AUTS2: variants seen among roughly 807,000 people sequenced by gnomAD.
The protein encoded by AUTS2 is autism susceptibility gene 2 protein.
Under a neutral mutation model 112.4 loss-of-function variants are expected in AUTS2, and 17 were observed. That is an observed-to-expected ratio of 0.15 (90% CI 0.10 to 0.23). AUTS2 has a LOEUF of 0.23. Ranked by LOEUF, AUTS2 falls within the 10% of genes least tolerant of loss-of-function variation. The probability of loss-of-function intolerance (pLI) is 1.00; values close to 1 mark genes in which losing one functional copy is unlikely to be tolerated. For missense variants in AUTS2, 1,510 were observed against 1,701.6 expected (o/e 0.89, Z 1.98); for synonymous variants, 751 against 702.7 (o/e 1.07, Z -1.09).
intron 2 of AUTS2, among the ~76,000 whole-genome samples, chr7:69,988,554 C>T (rs1798607394): frequency 6.7e-6 from 1 of 148,362 alleles, no homozygotes; most frequent in Admixed American, 6.7e-5. Flanking sequence ...TCCTCAAGGG[C>T]AGGATTTTTG....
At chr7:70,478,642 G>A (rs1797672249) in intron 5 of AUTS2, among the ~76,000 whole-genome samples, 1 of 151,900 alleles carries the variant, frequency 6.6e-6, no homozygotes, top group Non-Finnish European at 1.5e-5. Flanking sequence ...TTTCGTTCAA[G>A]ACCATAACTT....
intron 1 of AUTS2, among the ~76,000 whole-genome samples, chr7:69,740,964 G>A (rs1004487119): frequency 2.6e-5 from 4 of 152,092 alleles, no homozygotes; most frequent in Non-Finnish European, 4.4e-5. Context: ...GATAGTTCTA[G>A]CAATAAAAAA....
At chr7:70,534,130 G>T (rs1205232211) in intron 5 of AUTS2, among the ~76,000 whole-genome samples, 1 of 152,162 alleles carries the variant, frequency 6.6e-6, no homozygotes, top group East Asian at 1.9e-4. Flanking sequence ...CTCCACATCG[G>T]CAGGCTTCCA....
chr7:70,633,620 A>AAAG (rs1805387643), intron 5 of AUTS2, among the ~76,000 whole-genome samples: 1 of 151,732 alleles, frequency 6.6e-6, no homozygotes, highest in African/African-American at 2.4e-5. Flanking sequence ...CAAAAAAAAA[A>AAAG]AAAAAAAAAG....
chr7:70,343,471 G>A (rs542530862), intron 4 of AUTS2, among the ~76,000 whole-genome samples: 1 of 152,154 alleles, frequency 6.6e-6, no homozygotes, highest in Admixed American at 6.5e-5. Flanking sequence ...CACTGAGAAC[G>A]CATGGATGGA....
chr7:70,645,446 A>G (rs1280939882), intron 5 of AUTS2, among the ~76,000 whole-genome samples: 1 of 151,920 alleles, frequency 6.6e-6, no homozygotes, highest in Non-Finnish European at 1.5e-5. Flanking sequence ...ACACCACCAG[A>G]TGGTCTGGTG....
rs3817575 is a variant in AUTS2, at chr7:70,784,882, G to A, written c.2147-60G>A. The A allele has an allele frequency of 0.14, 207,940 of 1,499,524 alleles. 17,309 individuals are homozygous for A. The highest frequency in any genetic ancestry group is 0.39 in the East Asian group (17,272 of 44,198). The allele number at this position is 1,499,524 out of a possible 1,614,324, so 92.9% of individuals were successfully genotyped here. A position where few individuals can be genotyped will look rare whatever the true frequency, so the allele number is the denominator to read the frequency against. On this transcript the variant is annotated intron_variant, in intron 15 of 18. Transcript: ENST00000342771. The stretch of plus-strand genomic sequence containing the variant: ...CGGGGCCCTTAAGCAAGTAGAAGCC[G>A]GTTGCATCTTCGAAGTTGGCTTTTT...
At chr7:70,076,332 G>A (rs1584682913) in intron 2 of AUTS2, among the ~76,000 whole-genome samples, 2 of 152,080 alleles carry the variant, frequency 1.3e-5, no homozygotes, top group Non-Finnish European at 2.9e-5. Context: ...GTCATTTCTT[G>A]GACACTGCTA....
intron 4 of AUTS2, among the ~76,000 whole-genome samples, chr7:70,195,947 G>A (rs1810150296): frequency 6.6e-6 from 1 of 152,086 alleles, no homozygotes; most frequent in Non-Finnish European, 1.5e-5. Context: ...ACCTATTATT[G>A]TCATTATCTG....
intron 1 of AUTS2, among the ~76,000 whole-genome samples, chr7:69,624,310 T>A (rs1277509526): frequency 6.6e-6 from 1 of 152,212 alleles, no homozygotes; most frequent in Non-Finnish European, 1.5e-5. Flanking sequence ...GGTATCTTTA[T>A]CTGGTACATG....
chr7:69,621,230 C>T (rs142730771), intron 1 of AUTS2, among the ~76,000 whole-genome samples: 3 of 152,240 alleles, frequency 2.0e-5, no homozygotes, highest in East Asian at 1.9e-4. Flanking sequence ...CACCCAAGGA[C>T]GAGTGTGTCA....
intron 3 of AUTS2, chr7:70,118,608 A>C (rs540764800): frequency 6.4e-6 from 1 of 155,850 alleles, no homozygotes; most frequent in Non-Finnish European, 1.4e-5. Context: ...GAGAAACCCT[A>C]TCTCTACTAA....
At chr7:70,134,471 T>C (rs1806441488) in intron 3 of AUTS2, 65 bp from the exon 4 acceptor site, 1 of 1,397,190 alleles carries the variant, frequency 7.2e-7, no homozygotes, top group South Asian at 1.2e-5. Flanking sequence ...TAATGAGCTG[T>C]GTGGATTGGA....
Position 70,732,970 on chromosome 7 carries a change from C to T in AUTS2, c.743-29900C>T, listed in dbSNP as rs747202443. ...GGAGGTGGCCCCTCACCAAAGCTCACACCTGTCTTCTCTGATTTTGCATCT... is the reference window on the plus strand; with the variant it reads ...GGAGGTGGCCCCTCACCAAAGCTCATACCTGTCTTCTCTGATTTTGCATCT... On this transcript the variant is annotated intron_variant, in intron 6 of 18. Transcript: ENST00000342771. Among the ~76,000 whole-genome samples the T allele has an allele frequency of 3.1e-4, 47 of 152,178 alleles. 1 individual carries two copies. Among genetic ancestry groups the T allele is most frequent in the Non-Finnish European group, 5.1e-4 (35 of 68,044 alleles).
At position 69,887,539 on chromosome 7, in the gene AUTS2, T is replaced by C. The variant is rs140961161; in HGVS notation, c.310-11747T>C. Among the ~76,000 whole-genome samples the C allele has an allele frequency of 6.2e-3, 934 of 151,822 alleles. 7 individuals carry two copies. The highest frequency in any genetic ancestry group is 0.021 in the African/African-American group (873 of 41,398). On this transcript the variant is annotated intron_variant, in intron 1 of 18. Coordinates refer to ENST00000342771, the MANE Select transcript of AUTS2 (RefSeq NM_015570.4). ...ATCACTTACGGTAACTACAATAGAA[T>C]CAGTGAGCTAGTTGCTGAATACTTC...
chr7:69,791,986 G>A (rs1401229144), intron 1 of AUTS2, among the ~76,000 whole-genome samples: 1 of 152,138 alleles, frequency 6.6e-6, no homozygotes, highest in Non-Finnish European at 1.5e-5. Flanking sequence ...GCTGGGGAAG[G>A]TGTTGGTGGT....
intron 4 of AUTS2, among the ~76,000 whole-genome samples, chr7:70,430,756 T>TAACCAGCA (rs1795623316): frequency 6.6e-6 from 1 of 151,308 alleles, no homozygotes; most frequent in Non-Finnish European, 1.5e-5. Flanking sequence ...ATTGAAACAA[T>TAACCAGCA]CTAAATAACC....
intron 4 of AUTS2, among the ~76,000 whole-genome samples, chr7:70,422,027 G>A (rs1261219612): frequency 6.6e-6 from 1 of 152,108 alleles, no homozygotes; most frequent in Non-Finnish European, 1.5e-5. Context: ...CAGTTTAATT[G>A]AAAATCTGTT....
At chr7:70,489,087 G>A (rs1293142088) in intron 5 of AUTS2, among the ~76,000 whole-genome samples, 1 of 152,190 alleles carries the variant, frequency 6.6e-6, no homozygotes, top group Non-Finnish European at 1.5e-5. Context: ...AAATGAATTT[G>A]AGGAAACCAA....
Sources: gnomAD v4.1 joint callset for allele counts (sites outside exome capture counted in the v4.1 genomes callset) on GRCh38, gnomAD v4.1.1 for gene constraint, MANE v1.5 for transcripts, NCBI Gene and HGNC (gene_info 2026-07-23, HGNC 2026-07-21) for gene names.